The following TUBG2 variants were observed in gnomAD, a reference collection of about 807,000 sequenced individuals.
TUBG2 encodes the protein tubulin gamma-2 chain.
TUBG2 carries 39 observed loss-of-function variants against 55.1 expected under a neutral mutation model. The observed-to-expected ratio is 0.71, with a 90% CI of 0.55 to 0.93. TUBG2 has a LOEUF of 0.93. Ranked by LOEUF, TUBG2 falls within the 40% of genes least tolerant of loss-of-function variation. TUBG2 has a pLI of 0.00. For missense variants in TUBG2, 358 were observed against 599.1 expected (o/e 0.60, Z 4.20); for synonymous variants, 223 against 241.0 (o/e 0.93, Z 0.69).
rs750499281 is a variant in TUBG2 at position 42,665,756 on chromosome 17, G to C, written c.772G>C (p.Ala258Pro). 6.2e-7 allele frequency: 1 copy of C among 1,613,986 alleles called. No homozygotes were observed. The highest frequency in any genetic ancestry group is 8.5e-7 in the Non-Finnish European group (1 of 1,180,022). ...YMNNDLIGLI[A>P]SLIPTPRLHF... ...GAACAATGACCTCATCGGCCTCATC[G>C]CCTCGCTCATTCCCACCCCACGGCT... is the stretch of plus-strand genomic sequence containing the variant. Residue 258 changes from alanine to proline, a missense_variant, in exon 8 of 11, where the codon GCC (alanine) becomes CCC (proline). Physicochemically the swap from Ala to Pro is conservative, Grantham distance 27 (BLOSUM62 -1). Transcript: ENST00000251412.
Position 42,666,248 on chromosome 17 carries a change from G to A in TUBG2, c.996+9G>A, listed in dbSNP as rs755604096. 3.1e-6 allele frequency: 5 copies of A among 1,613,890 alleles called. No individual in the cohort carries two copies. The highest frequency in any genetic ancestry group is 2.2e-5 in the South Asian group (2 of 91,078). On this transcript the variant is annotated intron_variant, in intron 9 of 10. Transcript: ENST00000251412. ...AGGTGGACCCCACCCAGGTAGGGGA[G>A]GCCCCTTCATCCCGCGCCCTGGACC... is the stretch of plus-strand genomic sequence containing the variant.
chr17:42,665,772 C>T lies in TUBG2; in HGVS notation c.788C>T (p.Thr263Ile), dbSNP rs1229400343. The change falls in exon 8 of 11, where the codon ACC (threonine) becomes ATC (isoleucine). Residue 263 changes from threonine (T) to isoleucine (I), a missense_variant. Transcript: ENST00000251412. ...LIGLIASLIP[T>I]PRLHFLMTGY... is the part of the protein sequence containing the mutation. ...GGCCTCATCGCCTCGCTCATTCCCA[C>T]CCCACGGCTCCACTTCCTCATGACC... is the stretch of plus-strand genomic sequence containing the variant. 6.2e-7 allele frequency: 1 copy of T among 1,614,236 alleles called. No individual in the cohort carries two copies. The highest frequency in any genetic ancestry group is 1.7e-5 in the Admixed American group (1 of 60,038).
At chr17:42,664,460 ACT>A (rs1320617678) in intron 6 of TUBG2, among the ~76,000 whole-genome samples, 1 of 151,708 alleles carries the variant, frequency 6.6e-6, no homozygotes, top group African/African-American at 2.4e-5. Flanking sequence ...AGGCAGCAAA[ACT>A]CTCAACAAAG....
Position 42,663,491 on chromosome 17 carries a change from C to T in TUBG2, c.594C>T (p.Asn198=), listed in dbSNP as rs139443210. 248 of 1,613,976 alleles carry T rather than the reference C, an allele frequency of 1.5e-4. 1 individual carries two copies. Among genetic ancestry groups the T allele is most frequent in the Admixed American group, 2.8e-4 (17 of 60,000 alleles). The part of the protein sequence containing the change: ...SLLTLKRLTQ[N]ADCVVVLDNT... ...TGACACTCAAGAGGCTGACGCAGAA[C>T]GCAGATTGTGTGGTGAGCAAAGAAA... is the stretch of plus-strand genomic sequence containing the variant. Residue 198 remains asparagine, a synonymous_variant, in exon 6 of 11, where the codon AAC becomes AAT. Transcript: ENST00000251412.
chr17:42,663,176 G>A, intron 5 of TUBG2, 124 bp downstream of exon 5: 1 of 1,265,682 alleles, frequency 7.9e-7, no homozygotes, highest in Non-Finnish European at 1.1e-6. Flanking sequence ...CCCACCCAAG[G>A]ACCATGTTGG....
chr17:42,663,556 C>T, intron 6 of TUBG2, 53 bp downstream of exon 6: 1 of 1,604,892 alleles, frequency 6.2e-7, no homozygotes. Flanking sequence ...GCCTGTAGTT[C>T]TAGCACTTTG....
rs1179492585 is a variant in TUBG2 at position 42,665,780 on chromosome 17, C to T, written c.796C>T (p.Leu266Phe). The change falls in exon 8 of 11, where the codon CTC becomes TTC. Residue 266 changes from leucine (L) to phenylalanine (F), a missense_variant. Transcript: ENST00000251412. Reference sequence around the variant, plus strand: ...CGCCTCGCTCATTCCCACCCCACGGCTCCACTTCCTCATGACCGGCTACAC... The same window carrying T: ...CGCCTCGCTCATTCCCACCCCACGGTTCCACTTCCTCATGACCGGCTACAC... ...LIASLIPTPRLHFLMTGYTPL... is the reference protein window; with the variant it reads ...LIASLIPTPRFHFLMTGYTPL... 6.2e-7 allele frequency: 1 copy of T among 1,614,116 alleles called. No individual in the cohort carries two copies.
Position 42,660,529 on chromosome 17 carries a change from T to C in TUBG2, c.331-110T>C, listed in dbSNP as rs1181015908. 9 of 1,320,996 alleles carry C rather than the reference T, an allele frequency of 6.8e-6. No homozygotes were observed. The East Asian group carries it at 2.1e-4, about 31-fold the overall frequency. The allele number at this position is 1,320,996 out of a possible 1,614,324, so 81.8% of individuals were successfully genotyped here. On this transcript the variant is annotated intron_variant, in intron 3 of 10. Coordinates refer to ENST00000251412, the MANE Select transcript of TUBG2 (RefSeq NM_016437.3). ...TTGAGGGCTACAGCCTAGGCTCTGCTTCAGGGTGGCAACAATATTCCAGGG... is the reference window on the plus strand; with the variant it reads ...TTGAGGGCTACAGCCTAGGCTCTGCCTCAGGGTGGCAACAATATTCCAGGG...
At position 42,666,810 on chromosome 17, in the gene TUBG2, C is replaced by G; in HGVS notation, c.*10C>G. The G allele has an allele frequency of 6.2e-7, 1 of 1,613,926 alleles. No homozygotes were observed. Among genetic ancestry groups the G allele is most frequent in the Middle Eastern group, 1.6e-4 (1 of 6,062 alleles). ...CACCCAGGAGCAGTGATTTCCCTCC[C>G]CACTACTCCTTCTCCTTCTAGATGG... On this transcript the variant is annotated 3_prime_UTR_variant, in exon 11 of 11. Transcript: ENST00000251412.
rs766161041 is a variant in TUBG2 at position 42,666,457 on chromosome 17, G to C, written c.1131G>C (p.Met377Ile). The C allele has an allele frequency of 6.2e-7, 1 of 1,614,040 alleles. No homozygotes were observed. The highest frequency in any genetic ancestry group is 1.3e-5 in the African/African-American group (1 of 74,946). The change falls in exon 10 of 11, where the codon ATG (methionine) becomes ATC (isoleucine). Residue 377 changes from methionine (M) to isoleucine (I), a missense_variant. Physicochemically the swap from Met to Ile is conservative, Grantham distance 10. Transcript: ENST00000251412. ...CGGCCCACCGGGTCAGCGGGCTCAT[G>C]ATGGCCAACCACACCAGCATCTCCT... ...LPSAHRVSGL[M>I]MANHTSISSL...
intron 6 of TUBG2, among the ~76,000 whole-genome samples, chr17:42,664,332 C>T (rs1371513192): frequency 6.6e-6 from 1 of 151,062 alleles, no homozygotes; most frequent in Non-Finnish European, 1.5e-5. Flanking sequence ...GCCAGTGAGT[C>T]TCATTCACCC....
intron 4 of TUBG2, among the ~76,000 whole-genome samples, chr17:42,662,046 T>C (rs139943208): frequency 0.012 from 1,832 of 152,320 alleles, 39 homozygotes; most frequent in African/African-American, 0.042. Flanking sequence ...GGCTCATGCC[T>C]GTAATCCCAG....
intron 7 of TUBG2, 51 bp downstream of exon 7, chr17:42,665,613 G>A (rs529952401): frequency 3.3e-5 from 54 of 1,614,106 alleles, no homozygotes; most frequent in South Asian, 3.1e-4. Context: ...CCTTGCTGGA[G>A]GGTCATCTGG....
At position 42,663,050 on chromosome 17, in the gene TUBG2, C is replaced by T. The variant is rs558186750; in HGVS notation, c.477C>T (p.Asp159=). The part of the protein sequence containing the change: ...LGSYLLERLN[D]RYPKKLVQTY... Reference sequence around the variant, plus strand: ...CCTACCTCCTGGAGCGACTGAATGACAGGCAAGCCTGTGTTTGGGGAGAGG... The same window carrying T: ...CCTACCTCCTGGAGCGACTGAATGATAGGCAAGCCTGTGTTTGGGGAGAGG... Residue 159 remains aspartate (D), a splice_region_variant and synonymous_variant, in exon 5 of 11, where the codon GAC becomes GAT. Transcript: ENST00000251412. The T allele has an allele frequency of 1.2e-6, 2 of 1,613,930 alleles. No individual in the cohort carries two copies. Among genetic ancestry groups the T allele is most frequent in the South Asian group, 2.2e-5 (2 of 91,072 alleles).
rs141008194 is a variant in TUBG2 at position 42,665,761 on chromosome 17, G to A, written c.777G>A (p.Ser259=). 1.5e-5 allele frequency: 25 copies of A among 1,613,958 alleles called. No homozygotes were observed. Among genetic ancestry groups the A allele is most frequent in the African/African-American group, 1.1e-4 (8 of 74,884 alleles). The change falls in exon 8 of 11, where the codon TCG becomes TCA. Residue 259 remains serine (S), a synonymous_variant. Transcript: ENST00000251412. ...MNNDLIGLIA[S]LIPTPRLHFL... is the part of the protein sequence containing the mutation. ...ATGACCTCATCGGCCTCATCGCCTC[G>A]CTCATTCCCACCCCACGGCTCCACT...
intron 4 of TUBG2, among the ~76,000 whole-genome samples, chr17:42,662,303 C>T (rs1371197831): frequency 6.6e-6 from 1 of 151,974 alleles, no homozygotes; most frequent in Admixed American, 6.6e-5. Flanking sequence ...GATCCTGTCT[C>T]TAAAACCAAA....
Position 42,666,831 on chromosome 17 carries a change from G to A in TUBG2, c.*31G>A, listed in dbSNP as rs1276645280. 1 of 1,612,364 alleles carries A rather than the reference G, an allele frequency of 6.2e-7. No individual in the cohort carries two copies. The highest frequency in any genetic ancestry group is 8.5e-7 in the Non-Finnish European group (1 of 1,178,848). On this transcript the variant is annotated 3_prime_UTR_variant, in exon 11 of 11. Coordinates refer to ENST00000251412, the MANE Select transcript of TUBG2 (RefSeq NM_016437.3). ...CTCCCCACTACTCCTTCTCCTTCTA[G>A]ATGGTAACCACAGCCTCGACCATGC...
chr17:42,660,402 A>G, intron 3 of TUBG2, 86 bp downstream of exon 3: 2 of 1,584,870 alleles, frequency 1.3e-6, no homozygotes, highest in Admixed American at 1.7e-5. Flanking sequence ...GACCTGACTG[A>G]CAGAAAATAA....
intron 4 of TUBG2, chr17:42,661,267 C>T (rs1286550078): frequency 6.5e-6 from 1 of 152,958 alleles, no homozygotes; most frequent in Non-Finnish European, 1.5e-5. Context: ...AAGCCCGTTT[C>T]TTTTAGTTTA....
Sources: allele counts gnomAD v4.1 joint callset (sites outside exome capture counted in the v4.1 genomes callset), GRCh38; gene constraint gnomAD v4.1.1; transcripts MANE v1.5; gene names NCBI Gene and HGNC (gene_info 2026-07-23, HGNC 2026-07-21).